Variants in SLC7A14 observed in about 807,000 individuals in gnomAD.
SLC7A14 encodes gamma-aminobutyric acid transporter SLC7A14.
Under a neutral mutation model 60.2 loss-of-function variants are expected in SLC7A14, and 37 were observed. The ratio of observed to expected loss-of-function variants is 0.61; its 90% CI spans 0.47 to 0.81. SLC7A14 has a LOEUF of 0.81. Among genes scored for constraint, SLC7A14 ranks in the 30% least tolerant of loss-of-function variants. The pLI is 0.00. For synonymous variants in SLC7A14, 399 were observed against 395.8 expected (o/e 1.01, Z -0.10); for missense variants, 886 against 982.7 (o/e 0.90, Z 1.32).
At chr3:170,479,776 A>C (rs1265214496) in intron 7 of SLC7A14, among the ~76,000 whole-genome samples, 1 of 152,244 alleles carries the variant, frequency 6.6e-6, no homozygotes, top group Non-Finnish European at 1.5e-5. Flanking sequence ...AAATGATGCC[A>C]TGATTCAATT....
intron 1 of SLC7A14, among the ~76,000 whole-genome samples, chr3:170,551,025 C>T (rs569238688): frequency 6.6e-6 from 1 of 152,182 alleles, no homozygotes; most frequent in South Asian, 2.1e-4. Context: ...CCTCAAAAAT[C>T]CCATACCCAT....
At position 170,464,811 on chromosome 3, in the gene SLC7A14, G is replaced by T. The variant is rs1739681629; in HGVS notation, c.*2244C>A. On this transcript the variant is annotated 3_prime_UTR_variant, in exon 8 of 8. Transcript: ENST00000231706. ...AATACTTAAACCTCACTAGTAAAAG[G>T]AAGCTCTTTCACCCACGTTAAGATT... 6.6e-6 allele frequency: 1 copy of T among 152,126 alleles called. No homozygotes were observed. The highest frequency in any genetic ancestry group is 1.5e-5 in the Non-Finnish European group (1 of 68,024). 9.4% of individuals were successfully genotyped at this position (152,126 alleles called of 1,614,324 possible). A position where few individuals can be genotyped will look rare whatever the true frequency, so the allele number is the denominator to read the frequency against.
In SLC7A14 at chr3:170,464,441, G is replaced by A. The variant is rs1384208708; in HGVS notation, c.*2614C>T. On this transcript the variant is annotated 3_prime_UTR_variant, in exon 8 of 8. Transcript: ENST00000231706. Reference sequence around the variant, plus strand: ...AGAAAATAGTAATATTGTCATTGTAGTGATTGATGGTATTTGAAAACTGCA... The same window carrying A: ...AGAAAATAGTAATATTGTCATTGTAATGATTGATGGTATTTGAAAACTGCA... 2 of 152,220 alleles carry A rather than the reference G, an allele frequency of 1.3e-5. No individual in the cohort carries two copies. Among genetic ancestry groups the A allele is most frequent in the East Asian group, 3.8e-4 (2 of 5,204 alleles). 9.4% of individuals were successfully genotyped at this position (152,220 alleles called of 1,614,324 possible). A position where few individuals can be genotyped will look rare whatever the true frequency, so the allele number is the denominator to read the frequency against.
intron 1 of SLC7A14, among the ~76,000 whole-genome samples, chr3:170,582,440 T>C (rs2108320316): frequency 6.6e-6 from 1 of 152,306 alleles, no homozygotes; most frequent in South Asian, 2.1e-4. Context: ...TTTTAAAAAG[T>C]TTAATTAAAA....
rs1560244932 is a variant in SLC7A14 at position 170,466,169 on chromosome 3, T to C, written c.*886A>G. 1 of 152,206 alleles carries C rather than the reference T, an allele frequency of 6.6e-6. No individual in the cohort carries two copies. The allele number at this position is 152,206 out of a possible 1,614,324, so 9.4% of individuals were successfully genotyped here. ...TCTCAGTGGCTGGCTCACTTCTCCT[T>C]GTAAAAATTTTTATCTGATTATAAA... is the stretch of plus-strand genomic sequence containing the variant. On this transcript the variant is annotated 3_prime_UTR_variant, in exon 8 of 8. Transcript: ENST00000231706.
intron 1 of SLC7A14, among the ~76,000 whole-genome samples, chr3:170,582,000 T>C (rs1715249049): frequency 6.6e-6 from 1 of 152,226 alleles, no homozygotes. Context: ...TTTCAGATTG[T>C]ATCTAAGTCA....
intron 1 of SLC7A14, among the ~76,000 whole-genome samples, chr3:170,541,985 G>A (rs556400278): frequency 2.6e-4 from 40 of 152,162 alleles, no homozygotes; most frequent in Non-Finnish European, 4.9e-4. Flanking sequence ...ATGCTTCTAC[G>A]CATCTCCGTT....
Position 170,471,204 on chromosome 3 carries a change from A to G in SLC7A14, c.1994-3827T>C, listed in dbSNP as rs369234721. On this transcript the variant is annotated intron_variant, in intron 7 of 7. Transcript: ENST00000231706. Reference sequence around the variant, plus strand: ...AACATAAGGGAAGGTCCACAGCCACACAGTGAGCAGGTGGACAGTGAATCC... The same window carrying G: ...AACATAAGGGAAGGTCCACAGCCACGCAGTGAGCAGGTGGACAGTGAATCC... 2.4e-3 allele frequency among the ~76,000 whole-genome samples: 358 copies of G among 152,294 alleles called. 1 individual carries two copies. Among genetic ancestry groups the G allele is most frequent in the African/African-American group, 7.9e-3 (326 of 41,526 alleles).
intron 2 of SLC7A14, among the ~76,000 whole-genome samples, chr3:170,502,210 A>T (rs1277493810): frequency 6.6e-6 from 1 of 152,144 alleles, no homozygotes; most frequent in Non-Finnish European, 1.5e-5. Flanking sequence ...GGAGGAGATG[A>T]CGCTGGCCAG....
At chr3:170,577,327 C>T (rs890863105) in intron 1 of SLC7A14, among the ~76,000 whole-genome samples, 3 of 152,302 alleles carry the variant, frequency 2.0e-5, no homozygotes, top group East Asian at 1.9e-4. Flanking sequence ...ATCTAGAAAA[C>T]CACAGAGGAG....
intron 1 of SLC7A14, among the ~76,000 whole-genome samples, chr3:170,571,951 C>T (rs149149037): frequency 0.023 from 3,423 of 151,110 alleles, 139 homozygotes; most frequent in African/African-American, 0.079. Context: ...GTCCCAACTA[C>T]TCAGGAGGCT....
rs1207673321 is a variant in SLC7A14 at position 170,498,807 on chromosome 3, C to A, written c.619G>T (p.Val207Leu). The stretch of plus-strand genomic sequence containing the variant: ...TTGTTGAAGCCTATGGAATTCTTCA[C>A]CCCCAGAGCAACAATGATGGTCACG... ...VIVTIIVALG[V>L]KNSIGFNNVL... Residue 207 changes from valine to leucine, a missense_variant, in exon 4 of 8, where the codon GTG becomes TTG. Val to Leu is a conservative substitution (Grantham distance 32, BLOSUM62 1). Transcript: ENST00000231706. 6.2e-7 allele frequency: 1 copy of A among 1,614,160 alleles called. No individual in the cohort carries two copies. The highest frequency in any genetic ancestry group is 8.5e-7 in the Non-Finnish European group (1 of 1,180,030).
At chr3:170,511,760 A>C (rs940341151) in intron 2 of SLC7A14, among the ~76,000 whole-genome samples, 5 of 152,182 alleles carry the variant, frequency 3.3e-5, no homozygotes, top group Non-Finnish European at 5.9e-5. Context: ...GAAGGTTAGA[A>C]ATCATCCAGA....
intron 3 of SLC7A14, among the ~76,000 whole-genome samples, 178 bp from the exon 4 acceptor site, chr3:170,499,062 C>T (rs972731933): frequency 9.9e-5 from 15 of 151,552 alleles, no homozygotes; most frequent in Admixed American, 2.6e-4. Flanking sequence ...CGGTGAAACC[C>T]TGTCTCTACT....
chr3:170,498,970 T>C, intron 3 of SLC7A14, 86 bp from the exon 4 acceptor site: 8 of 1,332,056 alleles, frequency 6.0e-6, no homozygotes, highest in East Asian at 2.3e-5. Context: ...GCATCCGTAC[T>C]CAGCTTTAAG....
intron 2 of SLC7A14, among the ~76,000 whole-genome samples, chr3:170,524,219 T>C (rs1713424750): frequency 6.6e-6 from 1 of 152,206 alleles, no homozygotes; most frequent in Admixed American, 6.5e-5. Context: ...ACATAGGCCC[T>C]CCATAGCTGA....
At chr3:170,577,659 G>A (rs745993727) in intron 1 of SLC7A14, among the ~76,000 whole-genome samples, 58 of 149,176 alleles carry the variant, frequency 3.9e-4, no homozygotes, top group Middle Eastern at 3.4e-3. Context: ...GAAAACCACA[G>A]AGGAAGAAGT....
In SLC7A14 at chr3:170,557,216, A is replaced by G. The variant is rs564057360; in HGVS notation, c.-153+28695T>C. On this transcript the variant is annotated intron_variant, in intron 1 of 7. Coordinates refer to ENST00000231706, the MANE Select transcript of SLC7A14 (RefSeq NM_020949.3). ...TCTTCTTATTGGGTATAGGCCATCC[A>G]GGACTTTCTAACAGGATGCATTATG... Among the ~76,000 whole-genome samples, 5 of 151,550 alleles carry G rather than the reference A, an allele frequency of 3.3e-5. No homozygotes were observed. The East Asian group carries it at 9.7e-4, about 29-fold the overall frequency.
intron 6 of SLC7A14, among the ~76,000 whole-genome samples, chr3:170,482,307 G>A (rs901519667): frequency 5.3e-5 from 8 of 152,196 alleles, no homozygotes; most frequent in Non-Finnish European, 1.2e-4. Flanking sequence ...TTGGATGTGT[G>A]AAGTTCCCAC....
Sources: gnomAD v4.1 joint callset for allele counts (sites outside exome capture counted in the v4.1 genomes callset) on GRCh38, gnomAD v4.1.1 for gene constraint, MANE v1.5 for transcripts, NCBI Gene and HGNC (gene_info 2026-07-23, HGNC 2026-07-21) for gene names.